The following ADGRE5 variants were observed in gnomAD, a reference collection of about 807,000 sequenced individuals.
ADGRE5 encodes the protein CD97 molecule.
In ADGRE5, 72 loss-of-function variants were observed where a neutral mutation model predicts 100.3. That is an observed-to-expected ratio of 0.72 (90% CI 0.59 to 0.87). The LOEUF (loss-of-function observed/expected upper bound fraction) is 0.87. Ranked by LOEUF, ADGRE5 falls within the 40% of genes least tolerant of loss-of-function variation. The pLI, the probability that ADGRE5 is intolerant of heterozygous loss-of-function variation, is 0.00. For synonymous variants in ADGRE5, 439 were observed against 447.8 expected (o/e 0.98, Z 0.25); for missense variants, 959 against 1,094.7 (o/e 0.88, Z 1.75).
chr19:14,406,375 T>C lies in ADGRE5; in HGVS notation c.1866T>C (p.Cys622=). ...TGGTGGCCGGGCTGCTGCACTACTG[T>C]TTCCTGGCCGCCTTCTGCTGGATGA... ...CRLVAGLLHY[C]FLAAFCWMSL... Residue 622 remains cysteine, a synonymous_variant, in exon 15 of 20, where the codon TGT becomes TGC. Transcript: ENST00000242786. The surrounding 1 kb of genome is among the most constrained non-coding windows in gnomAD (Gnocchi z 6.0). 6.3e-7 allele frequency: 1 copy of C among 1,587,530 alleles called. No homozygotes were observed. Among genetic ancestry groups the C allele is most frequent in the Non-Finnish European group, 8.6e-7 (1 of 1,168,176 alleles).
At chr19:14,390,812 T>C (rs1975574389) in intron 3 of ADGRE5, 112 bp from the exon 4 acceptor site, 2 of 1,363,304 alleles carry the variant, frequency 1.5e-6, no homozygotes, top group Admixed American at 4.3e-5. Flanking sequence ...CTTAAGATTT[T>C]TTCCAAAAGA....
At chr19:14,396,317 C>G (rs901847290) in intron 4 of ADGRE5, 25 bp from the exon 5 acceptor site, 3 of 1,614,138 alleles carry the variant, frequency 1.9e-6, no homozygotes, top group Non-Finnish European at 8.5e-7. Flanking sequence ...TACGGGCATC[C>G]TTCACCCTCT....
In ADGRE5 at chr19:14,398,111, A is replaced by G. The variant is rs1305997602; in HGVS notation, c.869A>G (p.Lys290Arg). Reference protein sequence around the residue: ...DKVQDLGRDSKTSSAEVTIQN... With the variant: ...DKVQDLGRDSRTSSAEVTIQN... Reference sequence around the variant, plus strand: ...GTCCAGGACCTGGGCAGAGACTCCAAGACAAGCTCAGCCGAGGTCACCATC... The same window carrying G: ...GTCCAGGACCTGGGCAGAGACTCCAGGACAAGCTCAGCCGAGGTCACCATC... The change falls in exon 9 of 20, where the codon AAG (lysine) becomes AGG (arginine). Residue 290 changes from lysine (K) to arginine (R), a missense_variant. Physicochemically the swap from Lys to Arg is conservative, Grantham distance 26. This residue lies in a region of ADGRE5 where 69 missense variants were observed against 135.0 expected (regional missense o/e 0.51). Coordinates refer to ENST00000242786, the MANE Select transcript of ADGRE5 (RefSeq NM_078481.4). 7 of 1,614,156 alleles carry G rather than the reference A, an allele frequency of 4.3e-6. No homozygotes were observed. Among genetic ancestry groups the G allele is most frequent in the Non-Finnish European group, 5.9e-6 (7 of 1,180,026 alleles).
intron 11 of ADGRE5, 67 bp from the exon 12 acceptor site, chr19:14,402,530 T>C (rs912913216): frequency 1.3e-6 from 2 of 1,564,630 alleles, no homozygotes; most frequent in Non-Finnish European, 1.8e-6. Context: ...CTGGGTCATC[T>C]TGGGAGGGAG....
At chr19:14,393,874 G>A (rs1975685817) in intron 4 of ADGRE5, among the ~76,000 whole-genome samples, 1 of 152,166 alleles carries the variant, frequency 6.6e-6, no homozygotes, top group African/African-American at 2.4e-5. Flanking sequence ...GAGTCTTCAT[G>A]TGAACTGGAA....
At position 14,406,203 on chromosome 19, in the gene ADGRE5, C is replaced by T. The variant is rs1254203190; in HGVS notation, c.1822-128C>T. 3 of 802,794 alleles carry T rather than the reference C, an allele frequency of 3.7e-6. No individual in the cohort carries two copies. The highest frequency in any genetic ancestry group is 2.9e-5 in the Admixed American group (1 of 34,226). The allele number at this position is 802,794 out of a possible 1,614,324, so 49.7% of individuals were successfully genotyped here. On this transcript the variant is annotated intron_variant, in intron 14 of 19. Coordinates refer to ENST00000242786, the MANE Select transcript of ADGRE5 (RefSeq NM_078481.4). This position sits in a 1 kb window ranked among gnomAD's most constrained non-coding sequence, Gnocchi z 6.0. ...GGGCCCTGGGGGGAAACCTGGCCCC[C>T]GCTCCAGACCCGCCCACCCTCCGGC...
At chr19:14,387,220 T>C (rs1975389741) in intron 1 of ADGRE5, among the ~76,000 whole-genome samples, 2 of 151,984 alleles carry the variant, frequency 1.3e-5, no homozygotes, top group Admixed American at 1.3e-4. Flanking sequence ...CTGGCTCCTG[T>C]CTGTTTTCTT....
intron 4 of ADGRE5, chr19:14,391,570 CAAA>C (rs59428437): frequency 1.4e-5 from 2 of 144,378 alleles, no homozygotes; most frequent in Non-Finnish European, 3.0e-5. Context: ...CAAAAAATAC[CAAA>C]AAAAAAAAAA....
At chr19:14,400,492 A>G (rs1975966579) in intron 9 of ADGRE5, among the ~76,000 whole-genome samples, 1 of 152,098 alleles carries the variant, frequency 6.6e-6, no homozygotes, top group Non-Finnish European at 1.5e-5. Flanking sequence ...ATAAAGTTAA[A>G]TTAAAGTTAA....
intron 4 of ADGRE5, among the ~76,000 whole-genome samples, chr19:14,396,099 C>A (rs943408947): frequency 6.6e-6 from 1 of 152,220 alleles, no homozygotes; most frequent in Non-Finnish European, 1.5e-5. Context: ...GGCTGGGACA[C>A]CCCAGCTTGG....
chr19:14,402,321 G>A (rs143334505), intron 11 of ADGRE5, among the ~76,000 whole-genome samples: 9 of 152,012 alleles, frequency 5.9e-5, no homozygotes, highest in South Asian at 4.2e-4. Flanking sequence ...TATAATCCCA[G>A]CTACTTGGGA....
chr19:14,404,997 C>T, intron 13 of ADGRE5: 1 of 171,772 alleles, frequency 5.8e-6, no homozygotes, highest in Non-Finnish European at 1.2e-5. Context: ...GCGTGCACCA[C>T]CATGCCTGAG....
In ADGRE5 at chr19:14,398,140, G is replaced by GT. The variant is rs1478106714; in HGVS notation, c.897+2dup. On this transcript the variant is annotated splice_donor_variant, in intron 9 of 19. Coordinates refer to ENST00000242786, the MANE Select transcript of ADGRE5 (RefSeq NM_078481.4). LOFTEE classifies it high-confidence loss of function. ...AAGCTCAGCCGAGGTCACCATCCAG[G>GT]TAAGGGCAGGATGCTGGGGGACCCC... 6.2e-7 allele frequency: 1 copy of GT among 1,614,110 alleles called. No homozygotes were observed. The highest frequency in any genetic ancestry group is 1.1e-5 in the South Asian group (1 of 91,086).
In ADGRE5 at chr19:14,397,213, C is replaced by T. The variant is rs376709007; in HGVS notation, c.615C>T (p.Thr205=). 3.2e-5 allele frequency: 51 copies of T among 1,614,068 alleles called. 1 individual carries two copies. Among genetic ancestry groups the T allele is most frequent in the African/African-American group, 2.1e-4 (16 of 75,018 alleles). The part of the protein sequence containing the change: ...IPGSPNGPNN[T]VCEDVDECSS... ...GGTCCCCCAATGGCCCAAACAATAC[C>T]GTCTGTGAAGGTCGAGAGCTCAGAT... The change falls in exon 6 of 20, where the codon ACC becomes ACT. Residue 205 remains threonine (T), a synonymous_variant. Coordinates refer to ENST00000242786, the MANE Select transcript of ADGRE5 (RefSeq NM_078481.4).
chr19:14,389,462 G>A (rs1158982974), intron 3 of ADGRE5, among the ~76,000 whole-genome samples: 1 of 151,002 alleles, frequency 6.6e-6, no homozygotes, highest in Non-Finnish European at 1.5e-5. Context: ...GCCCGGCATG[G>A]TGGGTCATGC....
intron 1 of ADGRE5, among the ~76,000 whole-genome samples, chr19:14,386,239 C>T (rs1210929654): frequency 4.6e-5 from 7 of 150,640 alleles, no homozygotes; most frequent in Non-Finnish European, 1.0e-4. Context: ...GTTAGCCAGG[C>T]GTGGTGGTGG....
intron 18 of ADGRE5, 118 bp from the exon 19 acceptor site, chr19:14,407,789 TC>T (rs1976333488): frequency 1.2e-6 from 1 of 811,268 alleles, no homozygotes; most frequent in East Asian, 2.7e-5. Flanking sequence ...GGGGACCCGA[TC>T]TCAAAAAAAA....
Position 14,401,350 on chromosome 19 carries a change from G to A in ADGRE5, c.898-36G>A, listed in dbSNP as rs377049610. On this transcript the variant is annotated intron_variant, in intron 9 of 19. Transcript: ENST00000242786. The surrounding 1 kb of genome is among the most constrained non-coding windows in gnomAD (Gnocchi z 4.1). Reference sequence around the variant, plus strand: ...GTCCTTCAGGCAACCCCTGTGGTCTGATGCTCCAGCGATTCTGTCACCCGC... The same window carrying A: ...GTCCTTCAGGCAACCCCTGTGGTCTAATGCTCCAGCGATTCTGTCACCCGC... The A allele has an allele frequency of 8.9e-5, 143 of 1,600,532 alleles. No individual in the cohort carries two copies. The highest frequency in any genetic ancestry group is 1.0e-4 in the Non-Finnish European group (119 of 1,172,392).
chr19:14,389,210 G>A (rs1599613281), intron 3 of ADGRE5, among the ~76,000 whole-genome samples: 1 of 16,726 alleles, frequency 6.0e-5, no homozygotes, highest in Non-Finnish European at 1.1e-4. Context: ...AGGGGTAGGG[G>A]GAGGGAGAAG....
Sources: allele counts gnomAD v4.1 joint callset (sites outside exome capture counted in the v4.1 genomes callset), GRCh38; gene constraint gnomAD v4.1.1; regional missense constraint gnomAD v4.1.1; non-coding constraint Gnocchi (gnomAD v3.1); transcripts MANE v1.5; gene names NCBI Gene and HGNC (gene_info 2026-07-23, HGNC 2026-07-21).